CSMD1: variants seen among roughly 807,000 people sequenced by gnomAD.
CSMD1 encodes CUB and Sushi multiple domains 1, also known as CUB and sushi domain-containing protein 1.
A neutral mutation model predicts 417.5 loss-of-function variants in CSMD1; 213 were observed. The observed-to-expected ratio is 0.51, with a 90% CI of 0.46 to 0.57. The LOEUF is 0.57. CSMD1 is among the 20% of genes least tolerant of loss of function. The probability of loss-of-function intolerance (pLI) is 0.00; values close to 1 mark genes in which losing one functional copy is unlikely to be tolerated. For missense variants in CSMD1, 6,923 were observed against 4,529.7 expected, an observed-to-expected ratio of 1.53 and a Z score of -15.17; for synonymous variants, 2,862 against 1,736.8, an observed-to-expected ratio of 1.65 and a Z score of -16.11.
intron 19 of CSMD1, among the ~76,000 whole-genome samples, chr8:3,367,745 AT>A (rs1452524911): frequency 6.6e-6 from 1 of 152,208 alleles, no homozygotes; most frequent in Non-Finnish European, 1.5e-5. Context: ...AAATATGGAG[AT>A]TATAGATGTA....
chr8:3,692,429 T>G (rs961171530), intron 7 of CSMD1, among the ~76,000 whole-genome samples: 1 of 149,472 alleles, frequency 6.7e-6, no homozygotes, highest in Non-Finnish European at 1.5e-5. Context: ...CACCAGACAT[T>G]TATACTTTAA....
At chr8:3,656,684 T>G (rs1002810635) in intron 7 of CSMD1, among the ~76,000 whole-genome samples, 3 of 152,142 alleles carry the variant, frequency 2.0e-5, no homozygotes, top group Non-Finnish European at 4.4e-5. Context: ...TCCCAGCACT[T>G]TGGGAGGCTG....
intron 5 of CSMD1, among the ~76,000 whole-genome samples, chr8:3,996,796 A>T (rs1792333151): frequency 6.6e-6 from 1 of 152,230 alleles, no homozygotes; most frequent in South Asian, 2.1e-4. Flanking sequence ...AAAATCAACC[A>T]GGAAAGGACT....
intron 1 of CSMD1, among the ~76,000 whole-genome samples, chr8:4,980,752 C>A (rs972160512): frequency 6.6e-6 from 1 of 151,948 alleles, no homozygotes; most frequent in Admixed American, 6.6e-5. Flanking sequence ...AAAGCTACAC[C>A]AAGTGAGCTG....
intron 1 of CSMD1, among the ~76,000 whole-genome samples, chr8:4,857,609 A>C (rs907109119): frequency 2.0e-5 from 3 of 152,184 alleles, no homozygotes; most frequent in Admixed American, 2.0e-4. Flanking sequence ...AGAAATACAA[A>C]CTACCAACAG....
chr8:3,191,314 G>A (rs369413702), intron 33 of CSMD1, among the ~76,000 whole-genome samples: 199 of 152,146 alleles, frequency 1.3e-3, no homozygotes, highest in African/African-American at 4.6e-3. Context: ...AAATTAGCCG[G>A]GCATGGTGGC....
At chr8:4,162,752 T>G (rs962992797) in intron 3 of CSMD1, among the ~76,000 whole-genome samples, 3 of 152,110 alleles carry the variant, frequency 2.0e-5, no homozygotes, top group African/African-American at 7.2e-5. Context: ...GGTAAGTCAT[T>G]ATCATCCAAA....
intron 3 of CSMD1, among the ~76,000 whole-genome samples, chr8:4,394,783 G>A (rs1015856508): frequency 1.3e-5 from 2 of 152,128 alleles, no homozygotes; most frequent in Admixed American, 6.5e-5. Context: ...TCCTGTTGAT[G>A]CAGCCTCACC....
intron 3 of CSMD1, among the ~76,000 whole-genome samples, chr8:4,054,839 C>G (rs927829199): frequency 5.3e-5 from 8 of 152,146 alleles, no homozygotes; most frequent in Non-Finnish European, 7.3e-5. Context: ...GCCACAGCAG[C>G]CCACTGTTTG....
At chr8:4,087,419 T>G (rs2130835074) in intron 3 of CSMD1, among the ~76,000 whole-genome samples, 1 of 152,356 alleles carries the variant, frequency 6.6e-6, no homozygotes, top group Middle Eastern at 3.4e-3. Flanking sequence ...GCAGATGCTC[T>G]TAATTCTCTC....
intron 3 of CSMD1, among the ~76,000 whole-genome samples, chr8:4,360,312 C>G (rs898986959): frequency 6.6e-6 from 1 of 152,174 alleles, no homozygotes; most frequent in Non-Finnish European, 1.5e-5. Context: ...GCATCCAGCT[C>G]CATGGGAAGT....
intron 2 of CSMD1, among the ~76,000 whole-genome samples, chr8:4,482,062 CA>C (rs1801129009): frequency 6.6e-6 from 1 of 152,148 alleles, no homozygotes; most frequent in East Asian, 1.9e-4. Flanking sequence ...TGACTGTATA[CA>C]AAATCATTGA....
intron 3 of CSMD1, among the ~76,000 whole-genome samples, chr8:4,249,287 G>A (rs749411753): frequency 1.3e-5 from 2 of 152,170 alleles, no homozygotes; most frequent in South Asian, 2.1e-4. Context: ...CTAAAGTTAT[G>A]GAAGGTAGGA....
rs7001531 is a variant in CSMD1, at chr8:3,931,090, T to C, written c.818+66813A>G. Among the ~76,000 whole-genome samples the C allele has an allele frequency of 1.9e-3, 281 of 150,674 alleles. 17 individuals are homozygous for C. The highest frequency in any genetic ancestry group is 6.6e-3 in the African/African-American group (272 of 40,946). The stretch of plus-strand genomic sequence containing the variant: ...AGTTTTAAAAATGTGACATCTTTCT[T>C]TACATATATCATTAAAGCCTAGGCC... On this transcript the variant is annotated intron_variant, in intron 5 of 69. Coordinates refer to ENST00000635120, the MANE Select transcript of CSMD1 (RefSeq NM_033225.6).
chr8:4,251,167 A>G (rs1222585764), intron 3 of CSMD1, among the ~76,000 whole-genome samples: 1 of 152,198 alleles, frequency 6.6e-6, no homozygotes, highest in Non-Finnish European at 1.5e-5. Context: ...AAGGCCAATG[A>G]AGAAAGGAAT....
At chr8:4,412,886 A>T (rs13270357) in intron 3 of CSMD1, among the ~76,000 whole-genome samples, 69,439 of 151,810 alleles carry the variant, frequency 0.46, 16,170 homozygotes, top group East Asian at 0.69. Flanking sequence ...CAAGAAAAAG[A>T]AAGACATAAG....
intron 7 of CSMD1, among the ~76,000 whole-genome samples, chr8:3,665,536 T>C (rs143716340): frequency 1.6e-3 from 240 of 152,130 alleles, no homozygotes; most frequent in African/African-American, 5.5e-3. Context: ...CTCAAAGATA[T>C]ATATATTTGT....
chr8:3,217,743 A>G (rs1264733504), intron 29 of CSMD1, among the ~76,000 whole-genome samples: 1 of 152,186 alleles, frequency 6.6e-6, no homozygotes, highest in Non-Finnish European at 1.5e-5. Context: ...TTTAGTAAAT[A>G]CCCCTAAGTG....
In CSMD1 at chr8:3,955,682, G is replaced by A. The variant is rs370726476; in HGVS notation, c.818+42221C>T. 5.9e-5 allele frequency among the ~76,000 whole-genome samples: 9 copies of A among 152,264 alleles called. No homozygotes were observed. In the South Asian group the frequency reaches 1.7e-3, roughly 28 times the overall value. The stretch of plus-strand genomic sequence containing the variant: ...ATTCTAAAAGAGTGTCTCAGAGGAT[G>A]AGGAAAGAGGATGAATACGTGGACA... On this transcript the variant is annotated intron_variant, in intron 5 of 69. Coordinates refer to ENST00000635120, the MANE Select transcript of CSMD1 (RefSeq NM_033225.6).
Sources: gnomAD v4.1 joint callset for allele counts (sites outside exome capture counted in the v4.1 genomes callset) on GRCh38, gnomAD v4.1.1 for gene constraint, MANE v1.5 for transcripts, NCBI Gene and HGNC (gene_info 2026-07-23, HGNC 2026-07-21) for gene names.